The following VPS37A variants were observed in gnomAD, a reference collection of about 807,000 sequenced individuals.
The protein encoded by VPS37A is VPS37A subunit of ESCRT-I, also known as vacuolar protein sorting-associated protein 37A.
A neutral mutation model predicts 49.8 loss-of-function variants in VPS37A; 30 were observed. The observed-to-expected ratio is 0.60, with a 90% CI of 0.45 to 0.82. The LOEUF is 0.82. Among genes scored for constraint, VPS37A ranks in the 40% least tolerant of loss-of-function variants. VPS37A has a pLI of 0.00. For missense variants in VPS37A, 593 were observed against 464.4 expected (o/e 1.28, Z -2.55); for synonymous variants, 195 against 160.6 (o/e 1.21, Z -1.62).
chr8:17,317,450 A>G, the VPS37A span, among the ~76,000 whole-genome samples: 1 of 152,170 alleles, frequency 6.6e-6, no homozygotes, highest in Non-Finnish European at 1.5e-5. Context: ...TCATTCTTCC[A>G]TACTTACACT....
intron 4 of VPS37A, among the ~76,000 whole-genome samples, chr8:17,273,023 C>CTTTTTT (rs1166192119): frequency 1.6e-3 from 68 of 43,798 alleles, no homozygotes; most frequent in African/African-American, 2.8e-3. Flanking sequence ...TTTGCCCTTC[C>CTTTTTT]TTTTTTTTTT....
chr8:17,269,184 C>A (rs769285950), intron 4 of VPS37A, among the ~76,000 whole-genome samples: 1 of 152,136 alleles, frequency 6.6e-6, no homozygotes, highest in African/African-American at 2.4e-5. Context: ...TCGATTCTTT[C>A]ATTTTAGATA....
intron 10 of VPS37A, among the ~76,000 whole-genome samples, chr8:17,285,142 G>C (rs1002256948): frequency 6.6e-6 from 1 of 152,008 alleles, no homozygotes; most frequent in Non-Finnish European, 1.5e-5. Flanking sequence ...CTGGAGTTTT[G>C]AGTGCTGTGA....
chr8:17,291,560 T>G (rs1342553632), intron 11 of VPS37A, among the ~76,000 whole-genome samples: 1 of 152,014 alleles, frequency 6.6e-6, no homozygotes, highest in Non-Finnish European at 1.5e-5. Flanking sequence ...CTTTTAATTG[T>G]GATGTTAGGG....
intron 1 of VPS37A, among the ~76,000 whole-genome samples, chr8:17,259,919 A>C (rs972502982): frequency 1.5e-4 from 23 of 152,078 alleles, no homozygotes; most frequent in African/African-American, 5.5e-4. Context: ...AGTTGCATGA[A>C]ATATCTTTTT....
At chr8:17,280,654 C>T (rs533639302) in intron 9 of VPS37A, among the ~76,000 whole-genome samples, 12 of 151,798 alleles carry the variant, frequency 7.9e-5, no homozygotes, top group African/African-American at 2.7e-4. Context: ...GTTTCTAAAA[C>T]AGAAAATTAT....
intron 1 of VPS37A, among the ~76,000 whole-genome samples, chr8:17,259,555 A>T (rs1812786568): frequency 6.6e-6 from 1 of 152,154 alleles, no homozygotes. Flanking sequence ...GCAGCAATTG[A>T]GTGCAGTGTT....
chr8:17,254,045 C>G (rs1812211442), intron 1 of VPS37A, among the ~76,000 whole-genome samples: 1 of 152,090 alleles, frequency 6.6e-6, no homozygotes, highest in African/African-American at 2.4e-5. Context: ...AATTTATAGT[C>G]ATCTTGTCTT....
At chr8:17,325,243 T>C in the VPS37A span, among the ~76,000 whole-genome samples, 3 of 152,080 alleles carry the variant, frequency 2.0e-5, no homozygotes, top group African/African-American at 7.2e-5. Context: ...GCAGGGAGAC[T>C]AGAGCAGGCA....
At chr8:17,306,877 A>G (rs1817488902), downstream of VPS37A, among the ~76,000 whole-genome samples, 1 of 152,094 alleles carries the variant, frequency 6.6e-6, no homozygotes, top group Non-Finnish European at 1.5e-5. Flanking sequence ...CACCTTATAC[A>G]AAAATTAATT....
intron 5 of VPS37A, among the ~76,000 whole-genome samples, chr8:17,275,489 A>G (rs1318876549): frequency 1.3e-5 from 2 of 152,164 alleles, no homozygotes; most frequent in Non-Finnish European, 2.9e-5. Context: ...GAAGCTGCCT[A>G]TAGTAGATCT....
chr8:17,327,427 C>A, the VPS37A span, among the ~76,000 whole-genome samples: 2 of 143,382 alleles, frequency 1.4e-5, no homozygotes, highest in South Asian at 4.2e-4. Flanking sequence ...CACACCACCA[C>A]GCCTGGTTGA....
chr8:17,258,775 A>G (rs960943686), intron 1 of VPS37A, among the ~76,000 whole-genome samples: 11 of 151,962 alleles, frequency 7.2e-5, no homozygotes, highest in African/African-American at 2.7e-4. Flanking sequence ...ACTTTTTATT[A>G]TGGCTTTAAT....
chr8:17,281,618 G>A (rs180725420), intron 9 of VPS37A, among the ~76,000 whole-genome samples: 49 of 152,012 alleles, frequency 3.2e-4, no homozygotes, highest in East Asian at 1.2e-3. Context: ...GCTGTTTAAC[G>A]TTGTTTGGGA....
Position 17,296,802 on chromosome 8 carries a change from C to T in VPS37A, c.*1816C>T, listed in dbSNP as rs751972173. The T allele has an allele frequency of 6.6e-6, 1 of 152,110 alleles. No individual in the cohort carries two copies. Among genetic ancestry groups the T allele is most frequent in the African/African-American group, 2.4e-5 (1 of 41,410 alleles). 9.4% of individuals were successfully genotyped at this position (152,110 alleles called of 1,614,324 possible). On this transcript the variant is annotated 3_prime_UTR_variant, in exon 12 of 12. Transcript: ENST00000324849. ...CTACATAATCACATGAGTAGTTCAT[C>T]TCAGTGTTTTTTATTCTTTAAAGTT... is the stretch of plus-strand genomic sequence containing the variant.
chr8:17,300,497 C>A (rs554976007), downstream of VPS37A, among the ~76,000 whole-genome samples: 17 of 152,284 alleles, frequency 1.1e-4, no homozygotes, highest in Admixed American at 1.0e-3. Context: ...GAACCCTAGT[C>A]TCCCTCTTTT....
chr8:17,277,433 C>G (rs1393608947), intron 6 of VPS37A, among the ~76,000 whole-genome samples: 1 of 151,856 alleles, frequency 6.6e-6, no homozygotes, highest in Non-Finnish European at 1.5e-5. Flanking sequence ...GGTGAAGAAA[C>G]TAGTATAATG....
intron 6 of VPS37A, among the ~76,000 whole-genome samples, chr8:17,278,991 G>T (rs1231391257): frequency 6.6e-6 from 1 of 151,964 alleles, no homozygotes; most frequent in Non-Finnish European, 1.5e-5. Flanking sequence ...TCACCCTACA[G>T]ATACCCATTT....
intron 6 of VPS37A, among the ~76,000 whole-genome samples, chr8:17,277,861 TACACACACACACACACACACAC>T (rs67718316): frequency 2.7e-4 from 38 of 140,992 alleles, no homozygotes; most frequent in African/African-American, 8.1e-4. Context: ...TTCTCTTTTA[TACACACACACACACACACACAC>T]ACACACACAC....
Sources: gnomAD v4.1 joint callset for allele counts (sites outside exome capture counted in the v4.1 genomes callset) on GRCh38, gnomAD v4.1.1 for gene constraint, MANE v1.5 for transcripts, NCBI Gene and HGNC (gene_info 2026-07-23, HGNC 2026-07-21) for gene names.